LRRC8D: variants seen among roughly 807,000 people sequenced by gnomAD.
LRRC8D encodes the protein volume-regulated anion channel subunit LRRC8D.
In LRRC8D, 20 loss-of-function variants were observed where a neutral mutation model predicts 55.8. The ratio of observed to expected loss-of-function variants is 0.36; its 90% CI spans 0.25 to 0.52. The LOEUF (loss-of-function observed/expected upper bound fraction) is 0.52, where lower values mean the gene tolerates loss of function less well. LRRC8D is among the 20% of genes least tolerant of loss of function. The pLI, the probability that LRRC8D is intolerant of heterozygous loss-of-function variation, is 0.93. For missense variants in LRRC8D, 651 were observed against 1,030.8 expected, an observed-to-expected ratio of 0.63 and a Z score of 5.05; for synonymous variants, 352 against 377.0, an observed-to-expected ratio of 0.93 and a Z score of 0.77.
At position 89,859,207 on chromosome 1, in the gene LRRC8D, G is replaced by A. The variant is rs187945323; in HGVS notation, c.-3+15425G>A. ...TACAAGTCATAATAGTAGACTATTCGGTAAATGTAGGGAGTAATGGTAGGT... is the reference window on the plus strand; with the variant it reads ...TACAAGTCATAATAGTAGACTATTCAGTAAATGTAGGGAGTAATGGTAGGT... On this transcript the variant is annotated intron_variant, in intron 2 of 2. Coordinates refer to ENST00000337338, the MANE Select transcript of LRRC8D (RefSeq NM_001134479.2). Among the ~76,000 whole-genome samples the A allele has an allele frequency of 1.1e-3, 167 of 151,566 alleles. 2 individuals carry two copies. Among genetic ancestry groups the A allele is most frequent in the Non-Finnish European group, 8.8e-5 (6 of 67,904 alleles).
At chr1:89,905,944 G>A (rs551180715) in intron 2 of LRRC8D, among the ~76,000 whole-genome samples, 1 of 152,218 alleles carries the variant, frequency 6.6e-6, no homozygotes, top group African/African-American at 2.4e-5. Flanking sequence ...GTCTTCAAAG[G>A]TAGCTGAGAC....
At chr1:89,841,270 C>T (rs66995711) in intron 1 of LRRC8D, among the ~76,000 whole-genome samples, 39 of 152,116 alleles carry the variant, frequency 2.6e-4, no homozygotes, top group Non-Finnish European at 3.7e-4. Context: ...TCTTCTTCCC[C>T]GCCCCTGCCT....
intron 2 of LRRC8D, among the ~76,000 whole-genome samples, chr1:89,897,638 A>G (rs1017689663): frequency 6.6e-6 from 1 of 152,190 alleles, no homozygotes; most frequent in African/African-American, 2.4e-5. Flanking sequence ...GATTGTGGAT[A>G]ACTTTGTTCT....
intron 2 of LRRC8D, among the ~76,000 whole-genome samples, chr1:89,908,426 G>C (rs1663049258): frequency 6.6e-6 from 1 of 152,130 alleles, no homozygotes; most frequent in African/African-American, 2.4e-5. Context: ...CAGCCCTCTT[G>C]CTTTCTTCCA....
At position 89,853,915 on chromosome 1, in the gene LRRC8D, G is replaced by A. The variant is rs936194647; in HGVS notation, c.-3+10133G>A. Among the ~76,000 whole-genome samples the A allele has an allele frequency of 2.0e-5, 3 of 152,176 alleles. No individual in the cohort carries two copies. In the East Asian group the frequency reaches 5.8e-4, roughly 29 times the overall value. ...GCGGGTGTGTACACGTTTGCGAGGA[G>A]TTGTGTGTATGTGTGTGATAGTGAT... On this transcript the variant is annotated intron_variant, in intron 2 of 2. Coordinates refer to ENST00000337338, the MANE Select transcript of LRRC8D (RefSeq NM_001134479.2).
chr1:89,933,576 C>T lies in LRRC8D; in HGVS notation c.508C>T (p.Leu170Phe). 1 of 1,614,148 alleles carries T rather than the reference C, an allele frequency of 6.2e-7. No homozygotes were observed. The highest frequency in any genetic ancestry group is 8.5e-7 in the Non-Finnish European group (1 of 1,180,030). ...WYSKYFPYLA[L>F]IHTIILMVSS... Reference sequence around the variant, plus strand: ...TTCTAAGTACTTTCCATACCTAGCTCTTATACATACTATTATTCTCATGGT... The same window carrying T: ...TTCTAAGTACTTTCCATACCTAGCTTTTATACATACTATTATTCTCATGGT... Residue 170 changes from leucine to phenylalanine, a missense_variant, in exon 3 of 3, where the codon CTT becomes TTT. Transcript: ENST00000337338. The surrounding 1 kb of genome is among the most constrained non-coding windows in gnomAD (Gnocchi z 7.0).
chr1:89,861,316 A>G (rs1661716401), intron 2 of LRRC8D, among the ~76,000 whole-genome samples: 1 of 152,216 alleles, frequency 6.6e-6, no homozygotes, highest in African/African-American at 2.4e-5. Flanking sequence ...GGTCAAAATG[A>G]TAAGAGGATT....
chr1:89,867,484 T>C (rs553032739), intron 2 of LRRC8D, among the ~76,000 whole-genome samples: 2 of 152,264 alleles, frequency 1.3e-5, no homozygotes, highest in Non-Finnish European at 2.9e-5. Flanking sequence ...AAACTGAAAC[T>C]ATATACTCCA....
intron 2 of LRRC8D, among the ~76,000 whole-genome samples, chr1:89,921,585 C>T (rs1663420988): frequency 6.6e-6 from 1 of 151,964 alleles, no homozygotes; most frequent in African/African-American, 2.4e-5. Context: ...TGCTCTGTTG[C>T]CCAGGTTGGA....
intron 2 of LRRC8D, among the ~76,000 whole-genome samples, chr1:89,870,633 A>G (rs987286210): frequency 6.6e-6 from 1 of 152,200 alleles, no homozygotes; most frequent in African/African-American, 2.4e-5. Flanking sequence ...AGGGAAACTC[A>G]ATAAATATTT....
intron 2 of LRRC8D, among the ~76,000 whole-genome samples, chr1:89,902,327 G>A (rs1039341223): frequency 6.6e-6 from 1 of 152,162 alleles, no homozygotes; most frequent in African/African-American, 2.4e-5. Context: ...TCCCATGATT[G>A]TGGACTGTTG....
intron 2 of LRRC8D, among the ~76,000 whole-genome samples, chr1:89,877,558 G>A (rs985163675): frequency 6.6e-6 from 1 of 152,088 alleles, no homozygotes; most frequent in African/African-American, 2.4e-5. Flanking sequence ...CTGTTTTAAG[G>A]AAAGTGGATT....
intron 2 of LRRC8D, among the ~76,000 whole-genome samples, chr1:89,914,935 C>T (rs895401414): frequency 1.3e-5 from 2 of 151,612 alleles, no homozygotes; most frequent in South Asian, 2.1e-4. Flanking sequence ...GTCCATGCTC[C>T]GTCTTTTCCA....
chr1:89,896,417 A>G (rs1244374375), intron 2 of LRRC8D, among the ~76,000 whole-genome samples: 3 of 152,198 alleles, frequency 2.0e-5, no homozygotes, highest in Non-Finnish European at 4.4e-5. Context: ...GCTAGTGGCC[A>G]AGCAGGACCT....
rs1275189704 is a variant in LRRC8D at position 89,911,103 on chromosome 1, G to A, written c.-2-21964G>A. The stretch of plus-strand genomic sequence containing the variant: ...ACCTTCCCAGGGAGTTTCAGCGGGT[G>A]AGAAAGCCTGACACTGCTTGGATTA... On this transcript the variant is annotated intron_variant, in intron 2 of 2. Transcript: ENST00000337338. This position sits in a 1 kb window ranked among gnomAD's most constrained non-coding sequence, Gnocchi z 4.0. Among the ~76,000 whole-genome samples the A allele has an allele frequency of 6.6e-6, 1 of 151,928 alleles. No homozygotes were observed. The highest frequency in any genetic ancestry group is 1.5e-5 in the Non-Finnish European group (1 of 68,008).
intron 2 of LRRC8D, among the ~76,000 whole-genome samples, chr1:89,874,432 T>C (rs1029536700): frequency 7.1e-6 from 1 of 140,446 alleles, no homozygotes; most frequent in African/African-American, 2.7e-5. Context: ...CCTTGAGAAG[T>C]AAGAAACTAT....
intron 2 of LRRC8D, among the ~76,000 whole-genome samples, chr1:89,886,572 C>G (rs1488614874): frequency 1.3e-5 from 2 of 152,100 alleles, no homozygotes; most frequent in Non-Finnish European, 2.9e-5. Flanking sequence ...TAATAATAAG[C>G]AATTTAAATA....
chr1:89,925,711 G>C (rs1557486926), intron 2 of LRRC8D, among the ~76,000 whole-genome samples: 1 of 152,310 alleles, frequency 6.6e-6, no homozygotes, highest in East Asian at 1.9e-4. Context: ...TGTTTTCAAA[G>C]TGCTTGTGCA....
chr1:89,887,023 A>T (rs1215201254), intron 2 of LRRC8D, among the ~76,000 whole-genome samples: 1 of 152,152 alleles, frequency 6.6e-6, no homozygotes, highest in Non-Finnish European at 1.5e-5. Context: ...GTGATTTGTT[A>T]TTTAAATTTT....
Sources: allele counts gnomAD v4.1 joint callset (sites outside exome capture counted in the v4.1 genomes callset), GRCh38; gene constraint gnomAD v4.1.1; non-coding constraint Gnocchi (gnomAD v3.1); transcripts MANE v1.5; gene names NCBI Gene and HGNC (gene_info 2026-07-23, HGNC 2026-07-21).